Variants in OTUD7B observed in about 807,000 individuals in gnomAD.
OTUD7B encodes OTU deubiquitinase 7B.
Under a neutral mutation model 82.2 loss-of-function variants are expected in OTUD7B, and 34 were observed. That is an observed-to-expected ratio of 0.41 (90% CI 0.31 to 0.55). The LOEUF is 0.55. OTUD7B is among the 20% of genes least tolerant of loss of function. The probability of loss-of-function intolerance (pLI) is 0.20; values close to 1 mark genes in which losing one functional copy is unlikely to be tolerated. For missense variants in OTUD7B, 944 were observed against 1,062.1 expected, an observed-to-expected ratio of 0.89 and a Z score of 1.55; for synonymous variants, 398 against 402.7, an observed-to-expected ratio of 0.99 and a Z score of 0.14.
the OTUD7B span, among the ~76,000 whole-genome samples, chr1:150,046,434 C>A: frequency 7.1e-6 from 1 of 140,832 alleles, no homozygotes; most frequent in African/African-American, 2.7e-5. Context: ...CCTCAAAGCT[C>A]TCCAGTGGCA....
intron 1 of OTUD7B, among the ~76,000 whole-genome samples, chr1:150,000,968 G>C (rs1314165397): frequency 1.3e-5 from 2 of 152,050 alleles, no homozygotes; most frequent in Non-Finnish European, 2.9e-5. Context: ...GACAGAGCAA[G>C]ACTCCATCTC....
chr1:149,950,745 A>C (rs1648128433), intron 7 of OTUD7B, among the ~76,000 whole-genome samples: 1 of 149,046 alleles, frequency 6.7e-6, no homozygotes, highest in South Asian at 2.1e-4. Context: ...CTCACCTTCC[A>C]GTAGTCACGT....
rs1553770482 is a variant in OTUD7B, at chr1:149,941,861, T to C, written c.*1996A>G. The C allele has an allele frequency of 6.6e-6, 1 of 152,216 alleles. No homozygotes were observed. The highest frequency in any genetic ancestry group is 1.5e-5 in the Non-Finnish European group (1 of 68,044). The allele number at this position is 152,216 out of a possible 1,614,324, so 9.4% of individuals were successfully genotyped here. A position where few individuals can be genotyped will look rare whatever the true frequency, so the allele number is the denominator to read the frequency against. ...GCAACTTAGGGGAGTGCTCATCTCA[T>C]ACCAGGTTCCAGACCTGCCTAGACA... On this transcript the variant is annotated 3_prime_UTR_variant, in exon 12 of 12. Coordinates refer to ENST00000581312, the MANE Select transcript of OTUD7B (RefSeq NM_020205.4).
chr1:150,012,633 C>G (rs1653129370), upstream of OTUD7B, among the ~76,000 whole-genome samples: 1 of 151,930 alleles, frequency 6.6e-6, no homozygotes, highest in Admixed American at 6.6e-5. Flanking sequence ...AAGACTTTTT[C>G]TTTTGGCAGT....
At chr1:150,059,300 C>A in the OTUD7B span, among the ~76,000 whole-genome samples, 1 of 31,352 alleles carries the variant, frequency 3.2e-5, no homozygotes, top group African/African-American at 1.2e-4. Flanking sequence ...TGATCCACCC[C>A]CCCCCCCCCC....
intron 1 of OTUD7B, among the ~76,000 whole-genome samples, chr1:150,009,029 T>C (rs1476266876): frequency 1.3e-5 from 2 of 152,178 alleles, no homozygotes; most frequent in African/African-American, 2.4e-5. Context: ...AAAATATCAA[T>C]AGACTAGCAC....
chr1:150,042,615 C>T, the OTUD7B span, among the ~76,000 whole-genome samples: 9 of 152,080 alleles, frequency 5.9e-5, no homozygotes, highest in Admixed American at 3.9e-4. Flanking sequence ...GCTGAGACTC[C>T]CAAGACTGGC....
intron 7 of OTUD7B, among the ~76,000 whole-genome samples, chr1:149,953,639 A>G (rs1553774006): frequency 1.3e-5 from 2 of 152,212 alleles, no homozygotes; most frequent in South Asian, 2.1e-4. Context: ...TACCTTGGGC[A>G]GTATGGCCAT....
chr1:149,987,822 T>C (rs1328464706), intron 1 of OTUD7B, among the ~76,000 whole-genome samples: 1 of 152,194 alleles, frequency 6.6e-6, no homozygotes, highest in Non-Finnish European at 1.5e-5. Flanking sequence ...CCCTTAGTTG[T>C]ACCTTCCACC....
chr1:150,041,011 C>G, the OTUD7B span, among the ~76,000 whole-genome samples: 1 of 151,648 alleles, frequency 6.6e-6, no homozygotes, highest in African/African-American at 2.4e-5. Flanking sequence ...CGCCTGGCCT[C>G]TTTTCCTTTT....
rs2092741500 is a variant in OTUD7B at position 149,938,544 on chromosome 1, C to T, written c.*5313G>A. 6.6e-6 allele frequency: 1 copy of T among 150,480 alleles called. No individual in the cohort carries two copies. The highest frequency in any genetic ancestry group is 1.5e-5 in the Non-Finnish European group (1 of 67,848). 9.3% of individuals were successfully genotyped at this position (150,480 alleles called of 1,614,324 possible). On this transcript the variant is annotated 3_prime_UTR_variant, in exon 12 of 12. Transcript: ENST00000581312. ...CATTATCCACTTTCCTTCTCACCAC[C>T]ATCCTTCATTCAAGAGCCTCATTCT...
intron 6 of OTUD7B, chr1:149,963,768 A>C (rs1196389730): frequency 6.4e-6 from 1 of 155,302 alleles, no homozygotes; most frequent in Non-Finnish European, 1.4e-5. Flanking sequence ...TTAAAATTTA[A>C]AATAAACTAA....
intron 6 of OTUD7B, 181 bp downstream of exon 6, chr1:149,964,041 A>G: frequency 1.6e-6 from 1 of 630,422 alleles, no homozygotes; most frequent in East Asian, 2.8e-5. Flanking sequence ...ACCAGTTCTC[A>G]TGACCACATC....
intron 1 of OTUD7B, among the ~76,000 whole-genome samples, chr1:150,001,202 A>C (rs1652261323): frequency 6.6e-6 from 1 of 152,220 alleles, no homozygotes; most frequent in African/African-American, 2.4e-5. Context: ...ATGTCCATCA[A>C]GTTGGGGTTG....
chr1:150,051,606 G>A, the OTUD7B span, among the ~76,000 whole-genome samples: 4 of 152,122 alleles, frequency 2.6e-5, no homozygotes, highest in East Asian at 3.9e-4. Flanking sequence ...CCACTTTAAG[G>A]AAGTTATTCA....
At chr1:149,969,544 G>A (rs1181406306) in intron 3 of OTUD7B, among the ~76,000 whole-genome samples, 8 of 151,930 alleles carry the variant, frequency 5.3e-5, no homozygotes, top group Non-Finnish European at 1.0e-4. Flanking sequence ...GGAGGCCGAG[G>A]CAGGTGGATC....
chr1:149,956,543 T>A (rs1648688210), intron 7 of OTUD7B, among the ~76,000 whole-genome samples: 1 of 152,216 alleles, frequency 6.6e-6, no homozygotes, highest in South Asian at 2.1e-4. Context: ...AGTATCTTTG[T>A]GGCGTTCTCT....
At chr1:149,982,288 A>G (rs143609384) in intron 1 of OTUD7B, among the ~76,000 whole-genome samples, 56 of 152,118 alleles carry the variant, frequency 3.7e-4, no homozygotes, top group African/African-American at 1.3e-3. Context: ...TAGGTGGCCA[A>G]AAGTCTGAAC....
Position 149,977,570 on chromosome 1 carries a change from C to A in OTUD7B, c.-60G>T. ...GGTAGAACATAGATCAAAATTCAGG[C>A]CTCCACCTGAGGAATAAATAAATAC... is the stretch of plus-strand genomic sequence containing the variant. On this transcript the variant is annotated 5_prime_UTR_variant, in exon 2 of 12. Transcript: ENST00000581312. The A allele has an allele frequency of 8.3e-7, 1 of 1,204,264 alleles. No homozygotes were observed. Among genetic ancestry groups the A allele is most frequent in the South Asian group, 1.2e-5 (1 of 82,564 alleles). 74.6% of individuals were successfully genotyped at this position (1,204,264 alleles called of 1,614,324 possible). A position where few individuals can be genotyped will look rare whatever the true frequency, so the allele number is the denominator to read the frequency against.
Sources: allele counts gnomAD v4.1 joint callset (sites outside exome capture counted in the v4.1 genomes callset), GRCh38; gene constraint gnomAD v4.1.1; transcripts MANE v1.5; gene names NCBI Gene and HGNC (gene_info 2026-07-23, HGNC 2026-07-21).